SIGLEC11: variants seen among roughly 807,000 people sequenced by gnomAD.
SIGLEC11 encodes sialic acid-binding Ig-like lectin 11.
SIGLEC11 carries 47 observed loss-of-function variants against 61.2 expected under a neutral mutation model. The observed-to-expected ratio is 0.77, with a 90% CI of 0.61 to 0.98. The LOEUF (loss-of-function observed/expected upper bound fraction) is 0.98, where lower values mean the gene tolerates loss of function less well. Among genes scored for constraint, SIGLEC11 ranks in the 50% least tolerant of loss-of-function variants. SIGLEC11 has a pLI of 0.00. For missense variants in SIGLEC11, 610 were observed against 870.3 expected, an observed-to-expected ratio of 0.70 and a Z score of 3.76; for synonymous variants, 278 against 373.1, an observed-to-expected ratio of 0.75 and a Z score of 2.94.
chr19:49,957,975 A>G lies in SIGLEC11; in HGVS notation c.1651+308T>C, dbSNP rs570221107. Among the ~76,000 whole-genome samples the G allele has an allele frequency of 9.2e-5, 14 of 152,196 alleles. No homozygotes were observed. In the South Asian group the frequency reaches 2.9e-3, roughly 32 times the overall value. The stretch of plus-strand genomic sequence containing the variant: ...CACTGCACTCCAGCCTTGCTGACAG[A>G]GCGAGACTCCATCTCAAAAAAAAAA... On this transcript the variant is annotated intron_variant, in intron 8 of 10. Transcript: ENST00000447370.
chr19:49,956,681 AG>A (rs1167544471), intron 8 of SIGLEC11, among the ~76,000 whole-genome samples: 1 of 152,256 alleles, frequency 6.6e-6, no homozygotes, highest in East Asian at 1.9e-4. Flanking sequence ...TCAATAGTAT[AG>A]GCCAGCTACC....
At chr19:49,958,198 C>A (rs770774313) in intron 8 of SIGLEC11, 85 bp downstream of exon 8, 1 of 1,576,134 alleles carries the variant, frequency 6.3e-7, no homozygotes, top group African/African-American at 1.4e-5. Context: ...CACGCCCACA[C>A]CCTCTCCCCA....
intron 8 of SIGLEC11, among the ~76,000 whole-genome samples, chr19:49,952,756 CTA>C (rs1402289235): frequency 6.6e-5 from 10 of 152,286 alleles, no homozygotes; most frequent in Admixed American, 2.0e-4. Context: ...TTAAGCATAA[CTA>C]TGTTTTACAA....
In SIGLEC11 at chr19:49,949,841, C is replaced by T; in HGVS notation, c.*129G>A. ...TGGAGGACAGAGTCAGACCCTGTCT[C>T]AAAAAAAGTATAATCTTCAAACTCA... On this transcript the variant is annotated 3_prime_UTR_variant, in exon 11 of 11. Transcript: ENST00000447370. 1 of 1,058,014 alleles carries T rather than the reference C, an allele frequency of 9.5e-7. No individual in the cohort carries two copies. Among genetic ancestry groups the T allele is most frequent in the East Asian group, 3.1e-5 (1 of 31,814 alleles). The allele number at this position is 1,058,014 out of a possible 1,614,324, so 65.5% of individuals were successfully genotyped here.
intron 10 of SIGLEC11, among the ~76,000 whole-genome samples, chr19:49,950,822 A>G (rs764877986): frequency 3.9e-5 from 6 of 152,204 alleles, no homozygotes; most frequent in Non-Finnish European, 7.4e-5. Context: ...GGTGTGAGAA[A>G]GACAGGGATT....
chr19:49,959,118 G>C, intron 5 of SIGLEC11, 41 bp from the exon 6 acceptor site: 1 of 1,611,322 alleles, frequency 6.2e-7, no homozygotes, highest in Non-Finnish European at 8.5e-7. Context: ...CAGACCAGGG[G>C]CTTCCCTCTG....
chr19:49,952,655 AG>A (rs1471242369), intron 8 of SIGLEC11, among the ~76,000 whole-genome samples: 1 of 152,252 alleles, frequency 6.6e-6, no homozygotes, highest in Non-Finnish European at 1.5e-5. Context: ...CCAAAGGAAT[AG>A]GCTCCAGACA....
chr19:49,950,356 G>A (rs1166087402), intron 10 of SIGLEC11, 120 bp from the exon 11 acceptor site: 1 of 1,092,908 alleles, frequency 9.1e-7, no homozygotes, highest in Non-Finnish European at 1.2e-6. Context: ...ATTCCACAAA[G>A]GTCAGCTGGG....
Position 49,949,945 on chromosome 19 carries a change from G to T in SIGLEC11, c.*25C>A. On this transcript the variant is annotated 3_prime_UTR_variant, in exon 11 of 11. Transcript: ENST00000447370. Reference sequence around the variant, plus strand: ...CAGTGCGACTCCCACACACTTGCTGGTGTCCTGTTGCCATGGAGACCTCTT... The same window carrying T: ...CAGTGCGACTCCCACACACTTGCTGTTGTCCTGTTGCCATGGAGACCTCTT... 7.1e-7 allele frequency: 1 copy of T among 1,407,682 alleles called. No homozygotes were observed. The allele number at this position is 1,407,682 out of a possible 1,614,324, so 87.2% of individuals were successfully genotyped here. A position where few individuals can be genotyped will look rare whatever the true frequency, so the allele number is the denominator to read the frequency against.
At position 49,955,314 on chromosome 19, in the gene SIGLEC11, C is replaced by CAAAAA. The variant is rs71180665; in HGVS notation, c.1652-2925_1652-2921dup. On this transcript the variant is annotated intron_variant, in intron 8 of 10. Coordinates refer to ENST00000447370, the MANE Select transcript of SIGLEC11 (RefSeq NM_052884.3). This position sits in a 1 kb window ranked among gnomAD's most constrained non-coding sequence, Gnocchi z 4.5. ...CGGGGACTGGCCCCAGAAAAAAAGCCAAAAAAAAAAAAAAAAAGAAAGGCA... is the reference window on the plus strand; with the variant it reads ...CGGGGACTGGCCCCAGAAAAAAAGCCAAAAAAAAAAAAAAAAAAAAAAGAAAGGCA... Among the ~76,000 whole-genome samples, 1 of 102,548 alleles carries CAAAAA rather than the reference C, an allele frequency of 9.8e-6. No individual in the cohort carries two copies. 67.3% of individuals were successfully genotyped at this position (102,548 alleles called of 152,430 possible). A position where few individuals can be genotyped will look rare whatever the true frequency, so the allele number is the denominator to read the frequency against.
At position 49,958,888 on chromosome 19, in the gene SIGLEC11, A is replaced by C. The variant is rs2076220237; in HGVS notation, c.1118T>G (p.Leu373Arg). 7 of 1,600,660 alleles carry C rather than the reference A, an allele frequency of 4.4e-6. No homozygotes were observed. Among genetic ancestry groups the C allele is most frequent in the Non-Finnish European group, 6.0e-6 (7 of 1,172,524 alleles). The change falls in exon 7 of 11, where the codon CTC becomes CGC. Residue 373 changes from leucine (L) to arginine (R), a missense_variant. By Grantham distance (102) the Leu-to-Arg change is moderately radical. Coordinates refer to ENST00000447370, the MANE Select transcript of SIGLEC11 (RefSeq NM_052884.3). ...SQANRTVLEN[L>R]GNGTSLPVLE... ...GACCGGGAGGGATGTGCCGTTCCCGAGGTTTTCCAGGACTAGGGAAGGAAG... is the reference window on the plus strand; with the variant it reads ...GACCGGGAGGGATGTGCCGTTCCCGCGGTTTTCCAGGACTAGGGAAGGAAG...
chr19:49,958,047 C>G (rs2076210310), intron 8 of SIGLEC11, among the ~76,000 whole-genome samples: 1 of 152,146 alleles, frequency 6.6e-6, no homozygotes, highest in Non-Finnish European at 1.5e-5. Context: ...TAATGCTCAG[C>G]TTTTGAAATG....
rs1224739353 is a variant in SIGLEC11 at position 49,955,298 on chromosome 19, G to T, written c.1652-2904C>A. ...TGGAAAAAGAGCGGGGCGGGGACTG[G>T]CCCCAGAAAAAAAGCCAAAAAAAAA... is the stretch of plus-strand genomic sequence containing the variant. On this transcript the variant is annotated intron_variant, in intron 8 of 10. Coordinates refer to ENST00000447370, the MANE Select transcript of SIGLEC11 (RefSeq NM_052884.3). This position sits in a 1 kb window ranked among gnomAD's most constrained non-coding sequence, Gnocchi z 4.5. Among the ~76,000 whole-genome samples the T allele has an allele frequency of 2.9e-5, 4 of 139,836 alleles. No homozygotes were observed. Among genetic ancestry groups the T allele is most frequent in the Non-Finnish European group, 6.2e-5 (4 of 65,036 alleles). 91.7% of individuals were successfully genotyped at this position (139,836 alleles called of 152,430 possible).
At position 49,959,346 on chromosome 19, in the gene SIGLEC11, C is replaced by T. The variant is rs560971741; in HGVS notation, c.1057+14G>A. 6 of 1,602,216 alleles carry T rather than the reference C, an allele frequency of 3.7e-6. No homozygotes were observed. The highest frequency in any genetic ancestry group is 1.1e-5 in the South Asian group (1 of 89,378). ...CCTCCCAATGGACTCCAGGCCCCTGCTAGGCACACTCACACTGCACAGAGA... is the reference window on the plus strand; with the variant it reads ...CCTCCCAATGGACTCCAGGCCCCTGTTAGGCACACTCACACTGCACAGAGA... On this transcript the variant is annotated intron_variant, in intron 5 of 10. Transcript: ENST00000447370.
chr19:49,958,478 G>A lies in SIGLEC11; in HGVS notation c.1456C>T (p.Arg486Cys), dbSNP rs57682421. 21 of 1,612,140 alleles carry A rather than the reference G, an allele frequency of 1.3e-5. No individual in the cohort carries two copies. In the African/African-American group the frequency reaches 2.1e-4, roughly 16 times the overall value. The change falls in exon 8 of 11, where the codon CGC becomes TGC. Residue 486 changes from arginine (R) to cysteine (C), a missense_variant. By Grantham distance (180) the Arg-to-Cys change is radical. This residue lies in a region of SIGLEC11 where 432 missense variants were observed against 441.5 expected (regional missense o/e 0.98). Coordinates refer to ENST00000447370, the MANE Select transcript of SIGLEC11 (RefSeq NM_052884.3). ...AGCAGCTCCTCCCCAAGCCACCAGCGCAGAGAGGGGGCCGGGCTGGCCTGG... is the reference window on the plus strand; with the variant it reads ...AGCAGCTCCTCCCCAAGCCACCAGCACAGAGAGGGGGCCGGGCTGGCCTGG... ...SSQASPAPSL[R>C]WWLGEELLEG...
At chr19:49,960,501 C>T (rs2076236751) in intron 2 of SIGLEC11, 51 bp downstream of exon 2, 1 of 1,585,460 alleles carries the variant, frequency 6.3e-7, no homozygotes, top group East Asian at 2.2e-5. Flanking sequence ...TAGCCTGTCC[C>T]CAGGGTCCCT....
chr19:49,953,776 C>T (rs747594693), intron 8 of SIGLEC11, among the ~76,000 whole-genome samples: 21 of 151,594 alleles, frequency 1.4e-4, no homozygotes, highest in Non-Finnish European at 1.6e-4. Flanking sequence ...TATAGTTGGC[C>T]GAAACTAGAG....
chr19:49,958,661 G>A lies in SIGLEC11; in HGVS notation c.1345C>T (p.Leu449Phe), dbSNP rs752895268. The change falls in exon 7 of 11, where the codon CTC becomes TTC. Residue 449 changes from leucine to phenylalanine, a missense_variant. Leu to Phe is a conservative substitution (Grantham distance 22). Around this residue, in one of 6 missense-constraint regions of SIGLEC11, gnomAD observed 432 missense variants for 441.5 expected, o/e 0.98. Transcript: ENST00000447370. The part of the protein sequence containing the change: ...QHPLGSQHVS[L>F]SLSVHYPPQL... ...CACTCACAGTGCACGGAGAGGCTGA[G>A]AGAGACGTGCTGGGAGCCCAGAGGG... is the stretch of plus-strand genomic sequence containing the variant. 6.2e-6 allele frequency: 10 copies of A among 1,602,238 alleles called. No homozygotes were observed. Among genetic ancestry groups the A allele is most frequent in the Non-Finnish European group, 8.5e-6 (10 of 1,174,200 alleles).
intron 8 of SIGLEC11, among the ~76,000 whole-genome samples, chr19:49,956,112 C>T (rs1208956971): frequency 6.6e-6 from 1 of 152,108 alleles, no homozygotes; most frequent in Non-Finnish European, 1.5e-5. Flanking sequence ...ACACGGAAGA[C>T]CAATGGCCTT....
Sources: allele counts gnomAD v4.1 joint callset (sites outside exome capture counted in the v4.1 genomes callset), GRCh38; gene constraint gnomAD v4.1.1; regional missense constraint gnomAD v4.1.1; non-coding constraint Gnocchi (gnomAD v3.1); transcripts MANE v1.5; gene names NCBI Gene and HGNC (gene_info 2026-07-23, HGNC 2026-07-21).